The following FBXL2 variants were observed in gnomAD, a reference collection of about 807,000 sequenced individuals.
FBXL2 encodes the protein F-box/LRR-repeat protein 2.
In FBXL2, 38 loss-of-function variants were observed where a neutral mutation model predicts 69.2. The observed-to-expected ratio is 0.55, with a 90% CI of 0.42 to 0.72. The LOEUF (loss-of-function observed/expected upper bound fraction) is 0.72, where lower values mean the gene tolerates loss of function less well. Among genes scored for constraint, FBXL2 ranks in the 30% least tolerant of loss-of-function variants. The pLI is 0.00. For missense variants in FBXL2, 354 were observed against 520.3 expected (o/e 0.68, Z 3.11); for synonymous variants, 192 against 201.3 (o/e 0.95, Z 0.39).
intron 2 of FBXL2, among the ~76,000 whole-genome samples, chr3:33,346,717 A>G (rs1265343588): frequency 6.6e-6 from 1 of 152,206 alleles, no homozygotes; most frequent in African/African-American, 2.4e-5. Flanking sequence ...AACCAAGATA[A>G]AAGAAGAACT....
intron 5 of FBXL2, among the ~76,000 whole-genome samples, chr3:33,366,563 C>T (rs139632214): frequency 6.6e-6 from 1 of 152,200 alleles, no homozygotes; most frequent in African/African-American, 2.4e-5. Context: ...ATTTGGGAGG[C>T]TAAAGTGGGA....
the FBXL2 span, among the ~76,000 whole-genome samples, chr3:33,421,143 T>C: frequency 6.6e-6 from 1 of 152,214 alleles, no homozygotes; most frequent in African/African-American, 2.4e-5. Context: ...CAGCCAGATC[T>C]CTGCCCAAAG....
At chr3:33,301,779 T>G (rs1209958846) in intron 2 of FBXL2, among the ~76,000 whole-genome samples, 1 of 152,244 alleles carries the variant, frequency 6.6e-6, no homozygotes, top group Admixed American at 6.5e-5. Flanking sequence ...TGGAAGTACT[T>G]AATTTGTTGC....
chr3:33,304,278 C>T (rs1302834349), intron 2 of FBXL2, among the ~76,000 whole-genome samples: 1 of 152,012 alleles, frequency 6.6e-6, no homozygotes, highest in Non-Finnish European at 1.5e-5. Context: ...CCTCATTCCC[C>T]ACCATAAAGG....
intron 13 of FBXL2, chr3:33,382,669 G>A (rs979496386): frequency 2.0e-5 from 3 of 152,160 alleles, no homozygotes; most frequent in African/African-American, 7.2e-5. Flanking sequence ...GTTAACACAT[G>A]TATGCATTTC....
rs886146164 is a variant in FBXL2, at chr3:33,385,894, A to AC, written c.*288dup. 1 of 422,188 alleles carries AC rather than the reference A, an allele frequency of 2.4e-6. No homozygotes were observed. Among genetic ancestry groups the AC allele is most frequent in the African/African-American group, 2.0e-5 (1 of 49,390 alleles). 26.2% of individuals were successfully genotyped at this position (422,188 alleles called of 1,614,324 possible). ...TGGATCTCTTAAGAGATTGGTACCT[A>AC]CCTAGGTACGAAAGTTCTACCCTTG... On this transcript the variant is annotated 3_prime_UTR_variant, in exon 15 of 15. Transcript: ENST00000484457.
rs768145058 is a variant in FBXL2 at position 33,375,394 on chromosome 3, T to C, written c.764T>C (p.Leu255Pro). ...CTCACAGATGCCTCTCTTACAGCCC[T>C]GGGTTTGAACTGTCCGCGACTGCAG... ...SNLTDASLTA[L>P]GLNCPRLQIL... Residue 255 changes from leucine (L) to proline (P), a missense_variant, in exon 10 of 15, where the codon CTG becomes CCG. Physicochemically the swap from Leu to Pro is moderately conservative, Grantham distance 98. Transcript: ENST00000484457. 1.2e-6 allele frequency: 2 copies of C among 1,614,214 alleles called. No homozygotes were observed.
chr3:33,407,531 T>C (rs2044459669), downstream of FBXL2, among the ~76,000 whole-genome samples: 1 of 150,286 alleles, frequency 6.7e-6, no homozygotes, highest in African/African-American at 2.5e-5. Flanking sequence ...TTAACAATCT[T>C]TGATTCGAAT....
chr3:33,383,884 C>A, intron 13 of FBXL2, 105 bp from the exon 14 acceptor site: 1 of 968,360 alleles, frequency 1.0e-6, no homozygotes, highest in Non-Finnish European at 1.6e-6. Flanking sequence ...CTTGCTGTGT[C>A]ATCCCATTGC....
Position 33,385,601 on chromosome 3 carries a change from TTC to T in FBXL2, c.1269_1270del (p.Ter424ThrfsTer16). 1.2e-6 allele frequency: 2 copies of T among 1,613,720 alleles called. No homozygotes were observed. The highest frequency in any genetic ancestry group is 1.7e-6 in the Non-Finnish European group (2 of 1,179,690). ...CAGCGACTGTGCAGGTGCTGTGTCA[TTC>T]TCTGACAGCAGCTGCCTGGGCCCAA... On this transcript the variant is annotated frameshift_variant, in exon 15 of 15. Coordinates refer to ENST00000484457, the MANE Select transcript of FBXL2 (RefSeq NM_012157.5). LOFTEE classifies it high-confidence loss of function.
intron 12 of FBXL2, chr3:33,393,189 C>G: frequency 1.9e-6 from 2 of 1,061,582 alleles, no homozygotes; most frequent in Non-Finnish European, 2.6e-6. Flanking sequence ...TGATTCCCAA[C>G]TCTCTGAAAA....
intron 12 of FBXL2, chr3:33,402,887 A>T (rs1187613304): frequency 6.2e-7 from 1 of 1,610,100 alleles, no homozygotes; most frequent in Non-Finnish European, 8.5e-7. Flanking sequence ...CTGTGGGGGC[A>T]TCGGGCCACG....
intron 2 of FBXL2, among the ~76,000 whole-genome samples, chr3:33,344,784 G>C (rs2040312035): frequency 6.6e-6 from 1 of 152,148 alleles, no homozygotes; most frequent in African/African-American, 2.4e-5. Context: ...GTGGTCTTTT[G>C]AAAAGATTAA....
chr3:33,371,140 G>A, intron 5 of FBXL2, among the ~76,000 whole-genome samples: 1 of 148,756 alleles, frequency 6.7e-6, no homozygotes, highest in Non-Finnish European at 1.5e-5. Context: ...ATCCAGTAAA[G>A]TTTTATATCA....
chr3:33,321,374 A>G (rs1009684694), intron 2 of FBXL2, among the ~76,000 whole-genome samples: 1 of 152,158 alleles, frequency 6.6e-6, no homozygotes, highest in African/African-American at 2.4e-5. Flanking sequence ...AGCATTAACT[A>G]GTATTTTAAA....
chr3:33,292,536 A>T (rs977634621), intron 1 of FBXL2, among the ~76,000 whole-genome samples: 8 of 152,218 alleles, frequency 5.3e-5, no homozygotes, highest in African/African-American at 9.6e-5. Context: ...TGAAGAAAAA[A>T]AAAGTCAGTA....
chr3:33,420,986 G>GA, the FBXL2 span, among the ~76,000 whole-genome samples: 1 of 152,200 alleles, frequency 6.6e-6, no homozygotes, highest in Non-Finnish European at 1.5e-5. Context: ...CTAACAAGGA[G>GA]AAATTCTTTT....
At chr3:33,282,999 A>G (rs1559482423) in intron 1 of FBXL2, among the ~76,000 whole-genome samples, 1 of 152,188 alleles carries the variant, frequency 6.6e-6, no homozygotes, top group Non-Finnish European at 1.5e-5. Flanking sequence ...GCAAACAGGG[A>G]CAATGTGACT....
At chr3:33,344,024 GTAA>G (rs1334524737) in intron 2 of FBXL2, among the ~76,000 whole-genome samples, 1 of 150,984 alleles carries the variant, frequency 6.6e-6, no homozygotes, top group African/African-American at 2.4e-5. Flanking sequence ...TATGAGTATG[GTAA>G]TATTATTGGA....
Sources: allele counts gnomAD v4.1 joint callset (sites outside exome capture counted in the v4.1 genomes callset), GRCh38; gene constraint gnomAD v4.1.1; transcripts MANE v1.5; gene names NCBI Gene and HGNC (gene_info 2026-07-23, HGNC 2026-07-21).